DCAF12: variants seen among roughly 807,000 people sequenced by gnomAD.
DCAF12 encodes the protein DDB1 and CUL4 associated factor 12, also known as DDB1- and CUL4-associated factor 12.
Under a neutral mutation model 52.8 loss-of-function variants are expected in DCAF12, and 28 were observed. The ratio of observed to expected loss-of-function variants is 0.53; its 90% CI spans 0.39 to 0.73. The LOEUF (loss-of-function observed/expected upper bound fraction) is 0.73. DCAF12 is among the 30% of genes least tolerant of loss of function. DCAF12 has a pLI of 0.00. For synonymous variants in DCAF12, 196 were observed against 215.5 expected (o/e 0.91, Z 0.79); for missense variants, 425 against 552.2 (o/e 0.77, Z 2.31).
At chr9:34,090,760 T>G (rs1828630284) in intron 7 of DCAF12, among the ~76,000 whole-genome samples, 1 of 151,892 alleles carries the variant, frequency 6.6e-6, no homozygotes, top group Non-Finnish European at 1.5e-5. Flanking sequence ...ATTCAAGTGA[T>G]TCTCCTGCCT....
chr9:34,116,288 G>C (rs1829087132), intron 2 of DCAF12, among the ~76,000 whole-genome samples: 1 of 151,548 alleles, frequency 6.6e-6, no homozygotes, highest in South Asian at 2.1e-4. Context: ...ACCCAGGAGG[G>C]GCAGGCTGCA....
At chr9:34,117,009 T>G (rs1829097789) in intron 2 of DCAF12, among the ~76,000 whole-genome samples, 1 of 152,216 alleles carries the variant, frequency 6.6e-6, no homozygotes. Flanking sequence ...TCCACGTGTC[T>G]GCGCTATGCC....
intron 7 of DCAF12, among the ~76,000 whole-genome samples, chr9:34,092,988 G>A (rs1013436055): frequency 1.3e-5 from 2 of 152,224 alleles, no homozygotes; most frequent in Non-Finnish European, 2.9e-5. Flanking sequence ...TGGGATTACA[G>A]GCATGCGCCA....
intron 2 of DCAF12, among the ~76,000 whole-genome samples, chr9:34,118,353 C>T (rs952924167): frequency 6.6e-6 from 1 of 152,074 alleles, no homozygotes; most frequent in Non-Finnish European, 1.5e-5. Context: ...GGGCTGGTCT[C>T]GAACTCCTGG....
chr9:34,118,397 G>A (rs536405771), intron 2 of DCAF12, among the ~76,000 whole-genome samples: 1 of 152,236 alleles, frequency 6.6e-6, no homozygotes, highest in African/African-American at 2.4e-5. Flanking sequence ...GCCTCCCAAA[G>A]TGCCGGGATT....
At chr9:34,091,936 A>T (rs1828651672) in intron 7 of DCAF12, among the ~76,000 whole-genome samples, 1 of 152,206 alleles carries the variant, frequency 6.6e-6, no homozygotes, top group African/African-American at 2.4e-5. Context: ...TAGGTCTTAT[A>T]TGTAAAACTA....
chr9:34,109,751 A>G, intron 2 of DCAF12: 1 of 288,998 alleles, frequency 3.5e-6, no homozygotes, highest in South Asian at 3.9e-5. Context: ...CTGGAAGCTC[A>G]GGCAGGTGGT....
At chr9:34,098,658 TA>T (rs1828778022) in intron 4 of DCAF12, 141 bp from the exon 5 acceptor site, 1 of 739,274 alleles carries the variant, frequency 1.4e-6, no homozygotes, top group Non-Finnish European at 2.1e-6. Context: ...TGGCCCACCC[TA>T]AACACAGAGC....
chr9:34,114,176 T>C (rs968821749), intron 2 of DCAF12, among the ~76,000 whole-genome samples: 5 of 152,144 alleles, frequency 3.3e-5, no homozygotes, highest in Admixed American at 3.3e-4. Flanking sequence ...TGAAATCCTT[T>C]GGACAACATG....
At chr9:34,107,074 T>A (rs988295208) in intron 3 of DCAF12, among the ~76,000 whole-genome samples, 7 of 152,314 alleles carry the variant, frequency 4.6e-5, no homozygotes, top group Admixed American at 1.3e-4. Flanking sequence ...AAACAACGCC[T>A]AGCCATAGAA....
intron 2 of DCAF12, among the ~76,000 whole-genome samples, chr9:34,121,682 T>C (rs1829176788): frequency 6.6e-6 from 1 of 152,090 alleles, no homozygotes; most frequent in South Asian, 2.1e-4. Flanking sequence ...CGGTGGCTCA[T>C]GCCTGTAATC....
At chr9:34,098,646 G>T in intron 4 of DCAF12, 129 bp from the exon 5 acceptor site, 1 of 896,404 alleles carries the variant, frequency 1.1e-6, no homozygotes, top group Non-Finnish European at 1.7e-6. Context: ...AGCTTGGCCA[G>T]ATGGCCCACC....
intron 5 of DCAF12, among the ~76,000 whole-genome samples, chr9:34,097,382 G>C (rs543305949): frequency 2.2e-4 from 33 of 150,420 alleles, no homozygotes; most frequent in Admixed American, 2.1e-3. Context: ...AGCCTCCTGA[G>C]TAGCTGGGAA....
chr9:34,114,832 T>C (rs951166389), intron 2 of DCAF12, among the ~76,000 whole-genome samples: 17 of 152,074 alleles, frequency 1.1e-4, no homozygotes, highest in African/African-American at 3.6e-4. Flanking sequence ...TCAGATGTGG[T>C]AGCAGGAACC....
intron 4 of DCAF12, among the ~76,000 whole-genome samples, chr9:34,099,313 T>C (rs150804130): frequency 0.13 from 20,008 of 152,152 alleles, 1,577 homozygotes; most frequent in South Asian, 0.32. Flanking sequence ...CTTGGCTCAC[T>C]GCAACCTCCG....
chr9:34,095,093 TGAGA>T (rs932818165), intron 6 of DCAF12, among the ~76,000 whole-genome samples: 2 of 149,604 alleles, frequency 1.3e-5, no homozygotes, highest in African/African-American at 4.9e-5. Flanking sequence ...CTTTTTTTTT[TGAGA>T]GAGAGTCTTG....
At chr9:34,096,456 C>G (rs1248750297) in intron 6 of DCAF12, among the ~76,000 whole-genome samples, 1 of 152,138 alleles carries the variant, frequency 6.6e-6, no homozygotes, top group African/African-American at 2.4e-5. Flanking sequence ...AAAAAAATAC[C>G]TGGGCATGTT....
chr9:34,099,243 A>G (rs903028237), intron 4 of DCAF12, among the ~76,000 whole-genome samples: 1 of 150,106 alleles, frequency 6.7e-6, no homozygotes, highest in Non-Finnish European at 1.5e-5. Context: ...AATTCTTTTT[A>G]TTTTTATTTT....
At chr9:34,099,908 C>G (rs899298777) in intron 4 of DCAF12, among the ~76,000 whole-genome samples, 1 of 152,088 alleles carries the variant, frequency 6.6e-6, no homozygotes, top group African/African-American at 2.4e-5. Flanking sequence ...TAGTAATTTT[C>G]TATGCCAAAT....
Sources: gnomAD v4.1 joint callset for allele counts (sites outside exome capture counted in the v4.1 genomes callset) on GRCh38, gnomAD v4.1.1 for gene constraint, MANE v1.5 for transcripts, NCBI Gene and HGNC (gene_info 2026-07-23, HGNC 2026-07-21) for gene names.